FGF14: variants seen among roughly 807,000 people sequenced by gnomAD.
FGF14 encodes the protein fibroblast growth factor 14.
Under a neutral mutation model 25.5 loss-of-function variants are expected in FGF14, and 5 were observed. The ratio of observed to expected loss-of-function variants is 0.20; its 90% CI spans 0.10 to 0.41. The LOEUF (loss-of-function observed/expected upper bound fraction) is 0.41, where lower values mean the gene tolerates loss of function less well. Among genes scored for constraint, FGF14 ranks in the 10% least tolerant of loss-of-function variants. FGF14 has a pLI of 1.00. For missense variants in FGF14, 222 were observed against 320.1 expected, an observed-to-expected ratio of 0.69 and a Z score of 2.34; for synonymous variants, 138 against 118.3, an observed-to-expected ratio of 1.17 and a Z score of -1.08.
intron 3 of FGF14, among the ~76,000 whole-genome samples, chr13:101,814,967 C>T (rs2041767186): frequency 6.8e-6 from 1 of 146,616 alleles, no homozygotes; most frequent in Non-Finnish European, 1.5e-5. Flanking sequence ...CAATAAAAGA[C>T]TCAAAGAGAC....
At chr13:102,046,555 T>C (rs2041992502) in intron 1 of FGF14, among the ~76,000 whole-genome samples, 3 of 152,184 alleles carry the variant, frequency 2.0e-5, no homozygotes, top group Admixed American at 1.3e-4. Flanking sequence ...AATCTTTATT[T>C]GACAATTTAA....
At position 101,916,801 on chromosome 13, in the gene FGF14, C is replaced by T. The variant is rs1358151673; in HGVS notation, c.-156G>A. On this transcript the variant is annotated 5_prime_UTR_variant, in exon 1 of 5. Transcript: ENST00000376143. ...GGGAGAGGGGAAGGGGGGCTCAGTC[C>T]TGACCGGGACCCATCGCCCTCTCCG... 2.0e-5 allele frequency among the ~76,000 whole-genome samples: 3 copies of T among 152,136 alleles called. No individual in the cohort carries two copies. The highest frequency in any genetic ancestry group is 4.8e-5 in the African/African-American group (2 of 41,462).
At chr13:101,999,697 G>A (rs144345577) in intron 1 of FGF14, among the ~76,000 whole-genome samples, 42 of 152,252 alleles carry the variant, frequency 2.8e-4, no homozygotes, top group Non-Finnish European at 5.0e-4. Flanking sequence ...AGCTAAAGGA[G>A]CTGAGAGGTA....
intron 1 of FGF14, among the ~76,000 whole-genome samples, chr13:102,387,762 T>G (rs2058339480): frequency 6.6e-6 from 1 of 152,032 alleles, no homozygotes; most frequent in Non-Finnish European, 1.5e-5. Context: ...AGATGGACTC[T>G]CGCTCTGTCG....
intron 1 of FGF14, among the ~76,000 whole-genome samples, chr13:101,878,217 T>G (rs2045505732): frequency 6.6e-6 from 1 of 152,194 alleles, no homozygotes; most frequent in African/African-American, 2.4e-5. Context: ...CTTAACCTTA[T>G]CTGTCTCAAA....
intron 3 of FGF14, among the ~76,000 whole-genome samples, chr13:101,829,292 G>C (rs569520512): frequency 2.0e-5 from 3 of 152,070 alleles, no homozygotes; most frequent in Non-Finnish European, 4.4e-5. Context: ...TATTAGCTTT[G>C]AATCTGTGTG....
intron 1 of FGF14, among the ~76,000 whole-genome samples, chr13:101,962,122 T>TAC (rs1374410229): frequency 6.6e-5 from 10 of 152,144 alleles, no homozygotes; most frequent in Non-Finnish European, 1.3e-4. Context: ...GTTTAATGGG[T>TAC]ATAGCATTGA....
chr13:101,877,854 T>C (rs989940447), intron 1 of FGF14, among the ~76,000 whole-genome samples: 2 of 152,176 alleles, frequency 1.3e-5, no homozygotes, highest in African/African-American at 4.8e-5. Flanking sequence ...CTTACCAAAA[T>C]TGCTAGTTCA....
chr13:102,049,349 T>C (rs2042121005), intron 1 of FGF14, among the ~76,000 whole-genome samples: 1 of 152,182 alleles, frequency 6.6e-6, no homozygotes, highest in African/African-American at 2.4e-5. Flanking sequence ...GACTTTAAAA[T>C]CATTATTCCA....
At chr13:102,142,911 C>G (rs1400684336) in intron 1 of FGF14, among the ~76,000 whole-genome samples, 1 of 152,156 alleles carries the variant, frequency 6.6e-6, no homozygotes, top group Non-Finnish European at 1.5e-5. Context: ...ACAACATACG[C>G]TTTTATTCTC....
intron 1 of FGF14, chr13:102,354,176 A>G (rs1486717589): frequency 6.6e-6 from 1 of 152,262 alleles, no homozygotes; most frequent in African/African-American, 2.4e-5. Context: ...AAAGGAGTTC[A>G]GTTGGATTTC....
intron 1 of FGF14, among the ~76,000 whole-genome samples, chr13:102,148,250 CTGAT>C (rs1413792426): frequency 1.3e-5 from 2 of 152,084 alleles, no homozygotes; most frequent in African/African-American, 4.8e-5. Context: ...AACTAAGAAA[CTGAT>C]TGAGCACTCA....
chr13:101,988,363 G>A (rs1196340162), intron 1 of FGF14, among the ~76,000 whole-genome samples: 1 of 151,848 alleles, frequency 6.6e-6, no homozygotes, highest in Non-Finnish European at 1.5e-5. Flanking sequence ...CATGGATAGC[G>A]CTAAATGAAG....
chr13:101,871,113 A>G (rs1168090675), intron 2 of FGF14, among the ~76,000 whole-genome samples: 1 of 152,176 alleles, frequency 6.6e-6, no homozygotes, highest in Admixed American at 6.5e-5. Flanking sequence ...GGTACTAGTT[A>G]AAAACACAGA....
chr13:102,302,705 A>G (rs893819953), intron 1 of FGF14, among the ~76,000 whole-genome samples: 1 of 152,140 alleles, frequency 6.6e-6, no homozygotes, highest in Non-Finnish European at 1.5e-5. Context: ...CAGTTGCTCA[A>G]GCCAAAATAA....
intron 1 of FGF14, among the ~76,000 whole-genome samples, chr13:102,059,876 A>G (rs527527866): frequency 6.6e-6 from 1 of 151,838 alleles, no homozygotes; most frequent in African/African-American, 2.4e-5. Flanking sequence ...AAAACAAAAA[A>G]AAAAGAAAAG....
intron 1 of FGF14, among the ~76,000 whole-genome samples, chr13:102,205,243 G>T (rs1159555665): frequency 2.0e-5 from 3 of 151,984 alleles, no homozygotes; most frequent in Non-Finnish European, 4.4e-5. Context: ...ATGAGCTTTG[G>T]TTTTTCCATT....
rs552709920 is a variant in FGF14 at position 101,735,201 on chromosome 13, T to C, written c.409-8391A>G. Among the ~76,000 whole-genome samples the C allele has an allele frequency of 2.0e-5, 3 of 152,322 alleles. No homozygotes were observed. The South Asian group carries it at 6.2e-4, about 32-fold the overall frequency. On this transcript the variant is annotated intron_variant, in intron 3 of 4. Coordinates refer to ENST00000376143, the MANE Select transcript of FGF14 (RefSeq NM_004115.4). ...CCACCTAGCCAAGGCCCACTTGGTC[T>C]TAGTTTCACAAGCAATATGCATACG...
chr13:101,866,525 A>C (rs2044714229), intron 3 of FGF14, among the ~76,000 whole-genome samples: 1 of 152,172 alleles, frequency 6.6e-6, no homozygotes, highest in Non-Finnish European at 1.5e-5. Flanking sequence ...AATACAGGTA[A>C]AGTGCTTAGA....
Sources: gnomAD v4.1 joint callset for allele counts (sites outside exome capture counted in the v4.1 genomes callset) on GRCh38, gnomAD v4.1.1 for gene constraint, MANE v1.5 for transcripts, NCBI Gene and HGNC (gene_info 2026-07-23, HGNC 2026-07-21) for gene names.